KLRF1: variants seen among roughly 807,000 people sequenced by gnomAD.
KLRF1 encodes killer cell lectin-like receptor subfamily F member 1.
A neutral mutation model predicts 30.7 loss-of-function variants in KLRF1; 27 were observed. That is an observed-to-expected ratio of 0.88 (90% CI 0.65 to 1.21). The LOEUF is 1.21. Ranked by LOEUF, KLRF1 falls within the 50% of genes most tolerant of loss-of-function variation. KLRF1 has a pLI of 0.00. For synonymous variants in KLRF1, 92 were observed against 89.3 expected (o/e 1.03, Z -0.17); for missense variants, 246 against 259.3 (o/e 0.95, Z 0.35).
chr12:9,814,153 A>G, the KLRF1 span, among the ~76,000 whole-genome samples: 33 of 151,856 alleles, frequency 2.2e-4, no homozygotes, highest in African/African-American at 8.0e-4. Context: ...GGTGTTCTAC[A>G]CCCCGGGGGA....
the KLRF1 span, among the ~76,000 whole-genome samples, chr12:9,802,467 G>A: frequency 1.3e-5 from 2 of 151,954 alleles, no homozygotes; most frequent in Non-Finnish European, 2.9e-5. Flanking sequence ...ATTCAACTAA[G>A]TATTGGAAGT....
upstream of KLRF1, among the ~76,000 whole-genome samples, chr12:9,827,002 A>G (rs1201585711): frequency 6.6e-6 from 1 of 152,158 alleles, no homozygotes; most frequent in African/African-American, 2.4e-5. Context: ...ACAAACCTAC[A>G]CATGTAGCCC....
intron 3 of KLRF1, among the ~76,000 whole-genome samples, chr12:9,839,105 G>A (rs1482836509): frequency 6.6e-6 from 1 of 152,040 alleles, no homozygotes; most frequent in Non-Finnish European, 1.5e-5. Context: ...GGTTGCTTAT[G>A]AACAACAGAT....
intron 1 of KLRF1, among the ~76,000 whole-genome samples, chr12:9,831,825 T>C (rs996919882): frequency 2.0e-5 from 3 of 152,152 alleles, no homozygotes; most frequent in African/African-American, 7.2e-5. Flanking sequence ...TTACAAAGGA[T>C]TTTAGGGTTT....
the KLRF1 span, among the ~76,000 whole-genome samples, chr12:9,812,487 A>G: frequency 6.6e-6 from 1 of 152,126 alleles, no homozygotes; most frequent in African/African-American, 2.4e-5. Context: ...GCATCAGGCA[A>G]TCTGTCAAGA....
chr12:9,812,371 A>G, the KLRF1 span, among the ~76,000 whole-genome samples: 14 of 147,070 alleles, frequency 9.5e-5, no homozygotes, highest in African/African-American at 3.2e-4. Flanking sequence ...TCTCAGGAAA[A>G]AAAAAAAAAA....
Position 9,841,800 on chromosome 12 carries a change from AT to A in KLRF1, c.335-9del. On this transcript the variant is annotated splice_polypyrimidine_tract_variant and intron_variant, in intron 3 of 5. Coordinates refer to ENST00000617889, the MANE Select transcript of KLRF1 (RefSeq NM_016523.3). ...AATTTAATTTCATTTTGTTTTCTAC[AT>A]TTCTCTGTAGTACTATGCCAATCAG... 1.3e-6 allele frequency: 2 copies of A among 1,583,532 alleles called. No homozygotes were observed. The highest frequency in any genetic ancestry group is 1.7e-6 in the Non-Finnish European group (2 of 1,166,016).
chr12:9,803,442 T>G, the KLRF1 span, among the ~76,000 whole-genome samples: 5 of 152,076 alleles, frequency 3.3e-5, no homozygotes, highest in Non-Finnish European at 7.4e-5. Flanking sequence ...AAGTTCAGTT[T>G]ATTAATCCTT....
chr12:9,838,447 G>A (rs766349332), intron 3 of KLRF1, among the ~76,000 whole-genome samples: 38 of 152,116 alleles, frequency 2.5e-4, no homozygotes, highest in Admixed American at 3.9e-4. Flanking sequence ...CTTTCATCCC[G>A]GTTGTCCCCC....
chr12:9,831,110 C>T (rs2121200242), intron 1 of KLRF1, among the ~76,000 whole-genome samples: 1 of 152,030 alleles, frequency 6.6e-6, no homozygotes, highest in African/African-American at 2.4e-5. Flanking sequence ...CCTTCCACAA[C>T]TTTTTTTCCT....
chr12:9,810,268 G>A, the KLRF1 span, among the ~76,000 whole-genome samples: 2 of 152,158 alleles, frequency 1.3e-5, no homozygotes, highest in East Asian at 3.8e-4. Context: ...TGTGGTCCAA[G>A]TATATTCCCA....
intron 1 of KLRF1, 67 bp from the exon 2 acceptor site, chr12:9,832,249 C>T: frequency 2.4e-6 from 2 of 832,208 alleles, no homozygotes; most frequent in Non-Finnish European, 4.0e-6. Context: ...CCTATTATTA[C>T]AATTGCTATT....
chr12:9,809,701 A>C, the KLRF1 span, among the ~76,000 whole-genome samples: 3 of 151,914 alleles, frequency 2.0e-5, no homozygotes, highest in African/African-American at 7.3e-5. Flanking sequence ...GTATTCAAAG[A>C]TAAATTGTTA....
chr12:9,804,017 A>C, the KLRF1 span, among the ~76,000 whole-genome samples: 1 of 151,818 alleles, frequency 6.6e-6, no homozygotes, highest in African/African-American at 2.4e-5. Flanking sequence ...CAAACTGTTT[A>C]CCAAAGTGGC....
Position 9,833,470 on chromosome 12 carries a change from G to A in KLRF1, c.334+18G>A, listed in dbSNP as rs1867494537. 2 of 1,570,828 alleles carry A rather than the reference G, an allele frequency of 1.3e-6. No homozygotes were observed. Among genetic ancestry groups the A allele is most frequent in the Admixed American group, 3.9e-5 (2 of 50,700 alleles). On this transcript the variant is annotated intron_variant, in intron 3 of 5. Coordinates refer to ENST00000617889, the MANE Select transcript of KLRF1 (RefSeq NM_016523.3). ...CCAGACAGGTATGTCTCAAGGCTTT[G>A]GCTTATCCTAGTTTTAATCTTTTGG...
chr12:9,806,788 C>G, the KLRF1 span, among the ~76,000 whole-genome samples: 1 of 151,964 alleles, frequency 6.6e-6, no homozygotes, highest in East Asian at 1.9e-4. Context: ...CTCAAGCAAT[C>G]CTTCGCTTTA....
At chr12:9,832,683 G>GTGTGTGTGTA (rs755992978) in intron 2 of KLRF1, among the ~76,000 whole-genome samples, 29 of 151,022 alleles carry the variant, frequency 1.9e-4, no homozygotes, top group African/African-American at 7.1e-4. Flanking sequence ...GTGTGTGTGT[G>GTGTGTGTGTA]TGTGTATGTG....
At chr12:9,801,371 G>A in the KLRF1 span, among the ~76,000 whole-genome samples, 3 of 151,970 alleles carry the variant, frequency 2.0e-5, no homozygotes, top group Non-Finnish European at 2.9e-5. Flanking sequence ...CCAGTAATGG[G>A]ATTGCTGGGT....
In KLRF1 at chr12:9,834,214, G is replaced by A. The variant is rs115241530; in HGVS notation, c.334+762G>A. ...CTTCTTTTATGGTGGAATGTCATCA[G>A]TTAAGACAGGAACAAGCCATTTTCA... On this transcript the variant is annotated intron_variant, in intron 3 of 5. Coordinates refer to ENST00000617889, the MANE Select transcript of KLRF1 (RefSeq NM_016523.3). Among the ~76,000 whole-genome samples the A allele has an allele frequency of 9.0e-3, 1,367 of 152,106 alleles. 22 individuals carry two copies. The highest frequency in any genetic ancestry group is 0.031 in the African/African-American group (1,291 of 41,482).
Sources: allele counts gnomAD v4.1 joint callset (sites outside exome capture counted in the v4.1 genomes callset), GRCh38; gene constraint gnomAD v4.1.1; transcripts MANE v1.5; gene names NCBI Gene and HGNC (gene_info 2026-07-23, HGNC 2026-07-21).